The following INPP4B variants were observed in gnomAD, a reference collection of about 807,000 sequenced individuals.
INPP4B encodes inositol polyphosphate 4-phosphatase type II.
Under a neutral mutation model 122.5 loss-of-function variants are expected in INPP4B, and 55 were observed. The ratio of observed to expected loss-of-function variants is 0.45; its 90% CI spans 0.36 to 0.56. The LOEUF (loss-of-function observed/expected upper bound fraction) is 0.56. Among genes scored for constraint, INPP4B ranks in the 20% least tolerant of loss-of-function variants. The pLI is 0.00. For missense variants in INPP4B, 1,000 were observed against 1,097.7 expected (o/e 0.91, Z 1.26); for synonymous variants, 403 against 388.7 (o/e 1.04, Z -0.43).
At chr4:142,448,065 A>G (rs1562120879) in intron 3 of INPP4B, among the ~76,000 whole-genome samples, 2 of 152,142 alleles carry the variant, frequency 1.3e-5, no homozygotes, top group African/African-American at 2.4e-5. Context: ...AGGATAATAC[A>G]ATAGGGAAAG....
rs1275594851 is a variant in INPP4B at position 142,481,427 on chromosome 4, T to G, written c.-190-18701A>C. Among the ~76,000 whole-genome samples the G allele has an allele frequency of 2.6e-5, 4 of 152,242 alleles. No individual in the cohort carries two copies. In the East Asian group the frequency reaches 7.7e-4, roughly 29 times the overall value. On this transcript the variant is annotated intron_variant, in intron 2 of 25. Transcript: ENST00000262992. ...AAAAGCACCTAACTCTATCCATGCT[T>G]CTGAGAGGAATCCCTCTAATGAGAC...
chr4:142,290,098 C>T (rs1755690623), intron 9 of INPP4B, among the ~76,000 whole-genome samples: 2 of 151,704 alleles, frequency 1.3e-5, no homozygotes, highest in South Asian at 4.2e-4. Context: ...TGCTATGGCT[C>T]CAAGCTTTAC....
chr4:142,513,553 G>A (rs1049732173), intron 2 of INPP4B, among the ~76,000 whole-genome samples: 15 of 152,144 alleles, frequency 9.9e-5, no homozygotes, highest in East Asian at 9.7e-4. Flanking sequence ...GATTACAGGC[G>A]CCTGCCACCA....
intron 2 of INPP4B, among the ~76,000 whole-genome samples, chr4:142,524,571 G>A (rs1000981555): frequency 5.3e-5 from 8 of 151,982 alleles, no homozygotes; most frequent in Non-Finnish European, 7.4e-5. Context: ...TGGGATGCAA[G>A]GCTGGTCCAA....
chr4:142,731,631 G>C (rs1036432460), intron 1 of INPP4B, among the ~76,000 whole-genome samples: 1 of 152,130 alleles, frequency 6.6e-6, no homozygotes, highest in Non-Finnish European at 1.5e-5. Context: ...AAGAAACAGA[G>C]GAGGAAGTCA....
intron 1 of INPP4B, among the ~76,000 whole-genome samples, chr4:142,844,493 C>G (rs1783941615): frequency 6.6e-6 from 1 of 152,228 alleles, no homozygotes; most frequent in African/African-American, 2.4e-5. Context: ...TTTTACATTA[C>G]TACAAATTCA....
At chr4:142,681,849 G>A (rs542779872) in intron 2 of INPP4B, among the ~76,000 whole-genome samples, 1 of 151,818 alleles carries the variant, frequency 6.6e-6, no homozygotes, top group Non-Finnish European at 1.5e-5. Flanking sequence ...TGCTCCATGT[G>A]CATTCAATCT....
intron 25 of INPP4B, among the ~76,000 whole-genome samples, chr4:142,038,229 G>T (rs549315857): frequency 6.6e-6 from 1 of 152,194 alleles, no homozygotes; most frequent in Admixed American, 6.5e-5. Flanking sequence ...TTTAATAAGG[G>T]AATATCATGA....
At position 142,804,877 on chromosome 4, in the gene INPP4B, G is replaced by A. The variant is rs370121875; in HGVS notation, c.-254+41332C>T. On this transcript the variant is annotated intron_variant, in intron 1 of 25. Transcript: ENST00000262992. ...AGATGGGGTTTCGCCATGTTGCCCA[G>A]TCTGGTCTCGAACTCCTGGGCTCAA... Among the ~76,000 whole-genome samples, 105 of 152,242 alleles carry A rather than the reference G, an allele frequency of 6.9e-4. No homozygotes were observed. The Middle Eastern group carries it at 0.017, about 25-fold the overall frequency.
At chr4:142,546,150 A>ATCAT (rs1246896618) in intron 2 of INPP4B, among the ~76,000 whole-genome samples, 1 of 151,934 alleles carries the variant, frequency 6.6e-6, no homozygotes, top group Non-Finnish European at 1.5e-5. Flanking sequence ...GTGTGTTCTC[A>ATCAT]TCATTTAGTT....
At chr4:142,826,711 C>A (rs966127955) in intron 1 of INPP4B, among the ~76,000 whole-genome samples, 3 of 152,110 alleles carry the variant, frequency 2.0e-5, no homozygotes, top group African/African-American at 7.2e-5. Flanking sequence ...GCCAGCTAAG[C>A]CTGTGTTTCC....
chr4:142,106,315 G>C (rs112810654), intron 23 of INPP4B, among the ~76,000 whole-genome samples: 4,327 of 152,192 alleles, frequency 0.028, 132 homozygotes, highest in African/African-American at 0.067. Context: ...GTCTCACTAT[G>C]TCACCCAGGC....
chr4:142,355,862 CT>C (rs34285421), intron 7 of INPP4B, among the ~76,000 whole-genome samples: 44,974 of 146,346 alleles, frequency 0.31, 7,382 homozygotes, highest in South Asian at 0.4. Flanking sequence ...GGAGAGAAGC[CT>C]TTTTTTTTTT....
At chr4:142,083,101 C>CAA (rs33936815) in intron 24 of INPP4B, among the ~76,000 whole-genome samples, 1,663 of 126,406 alleles carry the variant, frequency 0.013, 26 homozygotes, top group African/African-American at 0.042. Context: ...CACCCTGTCT[C>CAA]AAAAAAAAAA....
At chr4:142,788,781 C>T (rs1176780162) in intron 1 of INPP4B, among the ~76,000 whole-genome samples, 2 of 152,098 alleles carry the variant, frequency 1.3e-5, no homozygotes, top group Non-Finnish European at 2.9e-5. Context: ...ATCCAGGTTG[C>T]TGTGAATGCC....
At chr4:142,107,134 CATA>C (rs1253698297) in intron 23 of INPP4B, among the ~76,000 whole-genome samples, 2 of 151,930 alleles carry the variant, frequency 1.3e-5, no homozygotes, top group Admixed American at 6.6e-5. Context: ...TAATATAAAT[CATA>C]ATATAAAATC....
At chr4:142,174,533 C>T (rs567384635) in intron 15 of INPP4B, among the ~76,000 whole-genome samples, 1 of 152,200 alleles carries the variant, frequency 6.6e-6, no homozygotes, top group East Asian at 1.9e-4. Context: ...AATGCTATTT[C>T]ATAGTGTTAT....
At position 142,454,880 on chromosome 4, in the gene INPP4B, C is replaced by T. The variant is rs947020725; in HGVS notation, c.-127+7783G>A. On this transcript the variant is annotated intron_variant, in intron 3 of 25. Coordinates refer to ENST00000262992, the MANE Select transcript of INPP4B (RefSeq NM_001101669.3). ...ACTTCACACTGAGTAGGAGTAAATA[C>T]AATAAGCAAGCTACCTAAGGACTCT... Among the ~76,000 whole-genome samples the T allele has an allele frequency of 4.6e-5, 7 of 151,968 alleles. No homozygotes were observed. The South Asian group carries it at 1.2e-3, about 27-fold the overall frequency.
At chr4:142,480,589 G>A (rs1224694965) in intron 2 of INPP4B, among the ~76,000 whole-genome samples, 1 of 152,200 alleles carries the variant, frequency 6.6e-6, no homozygotes, top group African/African-American at 2.4e-5. Context: ...CTCCACCGTA[G>A]TCCACTATAG....
Sources: gnomAD v4.1 joint callset for allele counts (sites outside exome capture counted in the v4.1 genomes callset) on GRCh38, gnomAD v4.1.1 for gene constraint, MANE v1.5 for transcripts, NCBI Gene and HGNC (gene_info 2026-07-23, HGNC 2026-07-21) for gene names.